The following ROBO2 variants were observed in gnomAD, a reference collection of about 807,000 sequenced individuals.
The protein encoded by ROBO2 is roundabout homolog 2.
ROBO2 carries 53 observed loss-of-function variants against 160.8 expected under a neutral mutation model. The observed-to-expected ratio is 0.33, with a 90% CI of 0.26 to 0.41. ROBO2 has a LOEUF of 0.41. ROBO2 is among the 10% of genes least tolerant of loss of function. The pLI is 1.00. For missense variants in ROBO2, 1,577 were observed against 1,722.4 expected (o/e 0.92, Z 1.49); for synonymous variants, 664 against 611.7 (o/e 1.09, Z -1.26).
intron 2 of ROBO2, among the ~76,000 whole-genome samples, chr3:76,877,346 G>T (rs944309675): frequency 3.9e-5 from 6 of 152,108 alleles, no homozygotes; most frequent in Non-Finnish European, 4.4e-5. Flanking sequence ...GACGCTGTTA[G>T]GCCAAAATCC....
intron 2 of ROBO2, among the ~76,000 whole-genome samples, chr3:76,230,755 G>A (rs1352846281): frequency 1.3e-5 from 2 of 152,078 alleles, no homozygotes; most frequent in African/African-American, 4.8e-5. Context: ...ATATGTTAAA[G>A]TCTTAACCTC....
intron 2 of ROBO2, among the ~76,000 whole-genome samples, chr3:77,366,705 A>G (rs1039429685): frequency 6.6e-6 from 1 of 152,092 alleles, no homozygotes; most frequent in African/African-American, 2.4e-5. Context: ...GTCTGCTTCC[A>G]CTTATGGCAG....
rs980193125 is a variant in ROBO2 at position 76,528,138 on chromosome 3, G to T, written c.110-569876G>T. On this transcript the variant is annotated intron_variant, in intron 2 of 26. Transcript: ENST00000487694. ...AATATTTAGTGACTTTCTACCAAGTGCAGGCACTGACTGTCCAAGTCACTG... is the reference window on the plus strand; with the variant it reads ...AATATTTAGTGACTTTCTACCAAGTTCAGGCACTGACTGTCCAAGTCACTG... Among the ~76,000 whole-genome samples, 4 of 152,210 alleles carry T rather than the reference G, an allele frequency of 2.6e-5. No homozygotes were observed. In the South Asian group the frequency reaches 8.3e-4, roughly 32 times the overall value.
intron 2 of ROBO2, among the ~76,000 whole-genome samples, chr3:75,979,176 G>A (rs1431855022): frequency 1.3e-5 from 2 of 151,528 alleles, no homozygotes; most frequent in Non-Finnish European, 3.0e-5. Context: ...GAGGTGGTAT[G>A]TTATAAAAAG....
At chr3:77,395,275 A>G (rs375572578) in intron 2 of ROBO2, among the ~76,000 whole-genome samples, 1 of 152,144 alleles carries the variant, frequency 6.6e-6, no homozygotes, top group South Asian at 2.1e-4. Flanking sequence ...TGTTACTAGG[A>G]TAACAAAAAT....
At chr3:76,685,193 T>TG (rs2092658662) in intron 2 of ROBO2, among the ~76,000 whole-genome samples, 2 of 44,420 alleles carry the variant, frequency 4.5e-5, no homozygotes, top group South Asian at 1.0e-3. Context: ...GTTGGTTGTG[T>TG]TTTTTTTTTT....
intron 2 of ROBO2, among the ~76,000 whole-genome samples, chr3:76,481,543 A>G (rs908268758): frequency 6.6e-6 from 1 of 152,188 alleles, no homozygotes; most frequent in Non-Finnish European, 1.5e-5. Flanking sequence ...AATGAGGACA[A>G]TATGAATGAA....
intron 2 of ROBO2, among the ~76,000 whole-genome samples, chr3:77,314,678 A>G: frequency 6.6e-6 from 1 of 152,198 alleles, no homozygotes; most frequent in East Asian, 1.9e-4. Flanking sequence ...TTGACAGGGA[A>G]GTGTTAAAAA....
chr3:77,006,765 A>C (rs978073246), intron 2 of ROBO2, among the ~76,000 whole-genome samples: 4 of 152,116 alleles, frequency 2.6e-5, no homozygotes, highest in African/African-American at 9.6e-5. Flanking sequence ...AGTTTAAAGT[A>C]ATATCATAAA....
At chr3:77,110,694 T>TAG (rs1372916974) in intron 2 of ROBO2, among the ~76,000 whole-genome samples, 10 of 148,898 alleles carry the variant, frequency 6.7e-5, no homozygotes, top group African/African-American at 2.5e-4. Context: ...CATATATATA[T>TAG]ATAGAGAGAG....
intron 2 of ROBO2, among the ~76,000 whole-genome samples, chr3:77,212,942 A>G (rs2151114176): frequency 6.6e-6 from 1 of 152,302 alleles, no homozygotes; most frequent in South Asian, 2.1e-4. Flanking sequence ...ATCATGGTGG[A>G]TAAGCTTTTT....
chr3:76,291,373 G>A (rs999436977), intron 2 of ROBO2, among the ~76,000 whole-genome samples: 5 of 152,054 alleles, frequency 3.3e-5, no homozygotes, highest in African/African-American at 1.2e-4. Flanking sequence ...TTATATTTCT[G>A]TGGAGTCACC....
At chr3:76,623,659 C>T (rs2089397520) in intron 2 of ROBO2, among the ~76,000 whole-genome samples, 1 of 152,172 alleles carries the variant, frequency 6.6e-6, no homozygotes, top group African/African-American at 2.4e-5. Context: ...TTTGTCTATA[C>T]TTCCAGAACC....
intron 2 of ROBO2, among the ~76,000 whole-genome samples, chr3:77,218,754 G>T (rs577216932): frequency 6.6e-6 from 1 of 152,076 alleles, no homozygotes; most frequent in Non-Finnish European, 1.5e-5. Flanking sequence ...TTCTGCAGTC[G>T]TAGTGACACA....
At chr3:76,980,573 TTTCTC>T (rs1458825364) in intron 2 of ROBO2, among the ~76,000 whole-genome samples, 5 of 152,154 alleles carry the variant, frequency 3.3e-5, no homozygotes, top group African/African-American at 1.2e-4. Context: ...TAAAATATCT[TTTCTC>T]TTAATATATT....
chr3:76,509,335 G>C (rs759706480), intron 2 of ROBO2, among the ~76,000 whole-genome samples: 1 of 152,086 alleles, frequency 6.6e-6, no homozygotes, highest in South Asian at 2.1e-4. Context: ...TGGTGGAGCA[G>C]AGCCAGAGAG....
chr3:77,023,956 A>G (rs2062795893), intron 2 of ROBO2, among the ~76,000 whole-genome samples: 1 of 152,230 alleles, frequency 6.6e-6, no homozygotes, highest in Admixed American at 6.5e-5. Context: ...CCTTATAGTT[A>G]TAAATAGCAA....
At chr3:76,759,954 G>A (rs189503446) in intron 2 of ROBO2, among the ~76,000 whole-genome samples, 1 of 151,810 alleles carries the variant, frequency 6.6e-6, no homozygotes, top group Admixed American at 6.6e-5. Flanking sequence ...TCAGAACTCT[G>A]GGACTCAGAA....
At chr3:77,568,161 A>G in intron 12 of ROBO2, 152 bp from the exon 14 acceptor site, 1 of 736,488 alleles carries the variant, frequency 1.4e-6, no homozygotes, top group Non-Finnish European at 2.3e-6. Flanking sequence ...GTATATTTAT[A>G]TATATAGGCT....
Sources: gnomAD v4.1 joint callset for allele counts (sites outside exome capture counted in the v4.1 genomes callset) on GRCh38, gnomAD v4.1.1 for gene constraint, MANE v1.5 for transcripts, NCBI Gene and HGNC (gene_info 2026-07-23, HGNC 2026-07-21) for gene names.